Variants in TUSC3 observed in about 807,000 individuals in gnomAD.
TUSC3 encodes the protein tumor suppressor candidate 3.
TUSC3 carries 45 observed loss-of-function variants against 44.8 expected under a neutral mutation model. The ratio of observed to expected loss-of-function variants is 1.00; its 90% CI spans 0.79 to 1.29. The LOEUF is 1.29. Ranked by LOEUF, TUSC3 falls within the 50% of genes most tolerant of loss-of-function variation. The pLI is 0.00. For synonymous variants in TUSC3, 212 were observed against 152.9 expected (o/e 1.39, Z -2.85); for missense variants, 519 against 437.9 (o/e 1.19, Z -1.65).
intron 6 of TUSC3, among the ~76,000 whole-genome samples, chr8:15,688,588 GTA>G (rs1808743091): frequency 6.6e-6 from 1 of 152,040 alleles, no homozygotes; most frequent in Non-Finnish European, 1.5e-5. Flanking sequence ...TCACCCTCAA[GTA>G]TACCCTAGTA....
intron 1 of TUSC3, among the ~76,000 whole-genome samples, chr8:15,446,966 A>C (rs1351599057): frequency 6.6e-6 from 1 of 152,082 alleles, no homozygotes; most frequent in Non-Finnish European, 1.5e-5. Flanking sequence ...GGAAATTCAC[A>C]CACCCAATGA....
intron 2 of TUSC3, among the ~76,000 whole-genome samples, chr8:15,484,400 G>A (rs1020407710): frequency 2.6e-5 from 4 of 152,124 alleles, no homozygotes; most frequent in Non-Finnish European, 4.4e-5. Flanking sequence ...TTCGATTTAT[G>A]GTTATTTTTA....
At chr8:15,804,847 T>C in the TUSC3 span, among the ~76,000 whole-genome samples, 1 of 152,194 alleles carries the variant, frequency 6.6e-6, no homozygotes, top group South Asian at 2.1e-4. Flanking sequence ...ACTAGTTTTT[T>C]TTCTTCTAAT....
At chr8:15,755,937 A>C (rs1239096544) in intron 9 of TUSC3, among the ~76,000 whole-genome samples, 1 of 152,090 alleles carries the variant, frequency 6.6e-6, no homozygotes, top group East Asian at 1.9e-4. Flanking sequence ...CTGTGCTCAC[A>C]AAAGTTTCCT....
At chr8:15,447,718 A>AT (rs936749563) in intron 1 of TUSC3, among the ~76,000 whole-genome samples, 1 of 138,720 alleles carries the variant, frequency 7.2e-6, no homozygotes, top group Non-Finnish European at 1.6e-5. Flanking sequence ...ACTTACTTTT[A>AT]TTTTTCTTAT....
intron 9 of TUSC3, among the ~76,000 whole-genome samples, chr8:15,756,087 A>C (rs983774510): frequency 6.6e-6 from 1 of 152,158 alleles, no homozygotes; most frequent in South Asian, 2.1e-4. Context: ...TATAATGGAA[A>C]AATAACAGTA....
At position 15,475,624 on chromosome 8, in the gene TUSC3, C is replaced by G. The variant is rs190750024; in HGVS notation, n.92-7762C>G. 5.7e-3 allele frequency among the ~76,000 whole-genome samples: 875 copies of G among 152,204 alleles called. 7 individuals are homozygous for G. The highest frequency in any genetic ancestry group is 0.014 in the Middle Eastern group (4 of 294). ...GTAAATCAACTGGAAAACTGGAGCT[C>G]TAGAATAGTTTGGGATATATGCCAT... On this transcript the variant is annotated intron_variant and non_coding_transcript_variant, in intron 1 of 5. Coordinates refer to the TUSC3 transcript ENST00000503191.
At chr8:15,435,732 AT>A (rs1799937667) in intron 1 of TUSC3, among the ~76,000 whole-genome samples, 1 of 152,196 alleles carries the variant, frequency 6.6e-6, no homozygotes, top group Non-Finnish European at 1.5e-5. Flanking sequence ...AGAAATAAGG[AT>A]TTTTAAGGAA....
chr8:15,579,344 C>G lies in TUSC3; in HGVS notation c.138+38776C>G, dbSNP rs1372839852. 2.2e-3 allele frequency among the ~76,000 whole-genome samples: 305 copies of G among 138,826 alleles called. 2 individuals carry two copies. Among genetic ancestry groups the G allele is most frequent in the Admixed American group, 0.011 (151 of 13,372 alleles). The allele number at this position is 138,826 out of a possible 152,430, so 91.1% of individuals were successfully genotyped here. On this transcript the variant is annotated intron_variant, in intron 1 of 10. Coordinates refer to ENST00000503731, the MANE Select transcript of TUSC3 (RefSeq NM_006765.4). ...AGTTCTGCTCTGATTTTAGTTATTT[C>G]TTGCCTTCTGCTATCTTTTGAATGT...
chr8:15,438,677 G>C (rs1169600466), intron 1 of TUSC3, among the ~76,000 whole-genome samples: 1 of 152,180 alleles, frequency 6.6e-6, no homozygotes, highest in Non-Finnish European at 1.5e-5. Flanking sequence ...TGCTGACCTT[G>C]TGCCAGGCAT....
intron 1 of TUSC3, among the ~76,000 whole-genome samples, chr8:15,423,318 T>C (rs993547767): frequency 2.6e-5 from 4 of 152,128 alleles, no homozygotes; most frequent in African/African-American, 9.7e-5. Context: ...TTGTAGGATT[T>C]GGTTTGATCA....
intron 6 of TUSC3, among the ~76,000 whole-genome samples, chr8:15,710,453 C>A (rs1809795153): frequency 6.6e-6 from 1 of 151,702 alleles, no homozygotes; most frequent in Admixed American, 6.6e-5. Flanking sequence ...GAACAAGGGC[C>A]TTCATTCTAC....
At chr8:15,764,083 A>G in intron 10 of TUSC3, 120 bp from the exon 11 acceptor site, 1 of 1,046,740 alleles carries the variant, frequency 9.6e-7, no homozygotes, top group Non-Finnish European at 1.4e-6. Flanking sequence ...CAATTAGTTG[A>G]ATACAATTAT....
chr8:15,813,045 G>C, the TUSC3 span, among the ~76,000 whole-genome samples: 2 of 152,080 alleles, frequency 1.3e-5, no homozygotes, highest in Admixed American at 6.6e-5. Flanking sequence ...AGTGAGCTGA[G>C]ATCGCGCCAC....
chr8:15,467,603 G>A (rs561836536), intron 1 of TUSC3, among the ~76,000 whole-genome samples: 3 of 152,124 alleles, frequency 2.0e-5, no homozygotes, highest in South Asian at 4.2e-4. Context: ...TCTCATTTGC[G>A]CCTTGGGAAA....
At position 15,590,369 on chromosome 8, in the gene TUSC3, A is replaced by C. The variant is rs1033548768; in HGVS notation, c.139-32711A>C. ...CCAGGCTTCTTCTTATACAAAACCC[A>C]AGCTTTAGGCCATCATGCCTAGTGA... On this transcript the variant is annotated intron_variant, in intron 1 of 10. Transcript: ENST00000503731. Among the ~76,000 whole-genome samples the C allele has an allele frequency of 4.6e-5, 7 of 152,130 alleles. No individual in the cohort carries two copies. The East Asian group carries it at 1.4e-3, about 29-fold the overall frequency.
chr8:15,743,744 C>CT (rs1181932637), intron 8 of TUSC3, 132 bp downstream of exon 8: 19 of 1,030,490 alleles, frequency 1.8e-5, no homozygotes, highest in Admixed American at 5.5e-5. Context: ...AAGATTTTAA[C>CT]TTTTTTCTAT....
At chr8:15,649,412 G>A (rs1010847978) in intron 2 of TUSC3, among the ~76,000 whole-genome samples, 5 of 151,594 alleles carry the variant, frequency 3.3e-5, no homozygotes, top group African/African-American at 7.3e-5. Flanking sequence ...GTGAAACCCC[G>A]TCTCTACTAA....
chr8:15,819,015 G>T, the TUSC3 span, among the ~76,000 whole-genome samples: 1 of 152,116 alleles, frequency 6.6e-6, no homozygotes, highest in Non-Finnish European at 1.5e-5. Flanking sequence ...CTTGAGGCCA[G>T]GAGTTTGAGA....
Sources: gnomAD v4.1 joint callset for allele counts (sites outside exome capture counted in the v4.1 genomes callset) on GRCh38, gnomAD v4.1.1 for gene constraint, MANE v1.5 for transcripts, NCBI Gene and HGNC (gene_info 2026-07-23, HGNC 2026-07-21) for gene names.